Variants in CACNA1E observed in about 807,000 individuals in gnomAD.
CACNA1E encodes the protein calcium voltage-gated channel subunit alpha1 E.
Under a neutral mutation model 259.2 loss-of-function variants are expected in CACNA1E, and 40 were observed. The observed-to-expected ratio is 0.15, with a 90% CI of 0.12 to 0.20. The LOEUF is 0.20. Among genes scored for constraint, CACNA1E ranks in the 10% least tolerant of loss-of-function variants. CACNA1E has a pLI of 1.00. For missense variants in CACNA1E, 1,874 were observed against 3,040.1 expected, an observed-to-expected ratio of 0.62 and a Z score of 9.02; for synonymous variants, 1,104 against 1,138.5, an observed-to-expected ratio of 0.97 and a Z score of 0.61.
intron 10 of CACNA1E, among the ~76,000 whole-genome samples, 167 bp downstream of exon 10, chr1:181,716,296 TAAA>T (rs35884110): frequency 7.1e-6 from 1 of 141,012 alleles, no homozygotes; most frequent in Non-Finnish European, 1.5e-5. Flanking sequence ...ATGATTTATT[TAAA>T]AAAAAAAAAA....
chr1:181,710,927 AG>A, intron 7 of CACNA1E, 26 bp from the exon 8 acceptor site: 2 of 1,509,764 alleles, frequency 1.3e-6, no homozygotes, highest in Non-Finnish European at 1.8e-6. Flanking sequence ...GTCCAAACCC[AG>A]TGAATCTTAT....
chr1:181,494,938 T>G (rs1272682263), intron 1 of CACNA1E, among the ~76,000 whole-genome samples: 1 of 152,260 alleles, frequency 6.6e-6, no homozygotes, highest in East Asian at 1.9e-4. Flanking sequence ...TTCTGAACTG[T>G]GCTTTAGCCT....
chr1:181,609,043 T>G (rs1257176702), intron 6 of CACNA1E, among the ~76,000 whole-genome samples: 2 of 152,134 alleles, frequency 1.3e-5, no homozygotes, highest in Non-Finnish European at 2.9e-5. Flanking sequence ...CAAAGGAAAG[T>G]TCAGCTTAGG....
At chr1:181,362,069 T>C (rs1201093111) in intron 1 of CACNA1E, among the ~76,000 whole-genome samples, 1 of 152,210 alleles carries the variant, frequency 6.6e-6, no homozygotes, top group African/African-American at 2.4e-5. Context: ...TATTACCTCC[T>C]TCATAGGACT....
chr1:181,408,439 G>T (rs1249179125), intron 1 of CACNA1E, among the ~76,000 whole-genome samples: 2 of 152,152 alleles, frequency 1.3e-5, no homozygotes, highest in Non-Finnish European at 2.9e-5. Flanking sequence ...GGGTATAAAG[G>T]GAAAGATGGT....
At chr1:181,382,434 G>A (rs2804689) in intron 1 of CACNA1E, among the ~76,000 whole-genome samples, 83,263 of 152,062 alleles carry the variant, frequency 0.55, 24,471 homozygotes, top group African/African-American at 0.77. Flanking sequence ...GTGGAAGCCA[G>A]AATCAGCTAA....
chr1:181,596,706 A>G (rs1050102341), intron 6 of CACNA1E, among the ~76,000 whole-genome samples: 1 of 152,168 alleles, frequency 6.6e-6, no homozygotes, highest in East Asian at 1.9e-4. Flanking sequence ...CAGACTTGAT[A>G]AAGGGTGTTT....
At position 181,801,759 on chromosome 1, in the gene CACNA1E, C is replaced by A. The variant is rs1460372935; in HGVS notation, c.*2925C>A. 6.6e-6 allele frequency: 1 copy of A among 152,140 alleles called. No homozygotes were observed. The highest frequency in any genetic ancestry group is 1.5e-5 in the Non-Finnish European group (1 of 68,030). The allele number at this position is 152,140 out of a possible 1,614,324, so 9.4% of individuals were successfully genotyped here. A position where few individuals can be genotyped will look rare whatever the true frequency, so the allele number is the denominator to read the frequency against. Reference sequence around the variant, plus strand: ...ATTCCATGCAAAAGAAGACTACAACCAGTGTTTCAGATATACCACAAGATC... The same window carrying A: ...ATTCCATGCAAAAGAAGACTACAACAAGTGTTTCAGATATACCACAAGATC... On this transcript the variant is annotated 3_prime_UTR_variant, in exon 48 of 48. Transcript: ENST00000367573.
intron 2 of CACNA1E, among the ~76,000 whole-genome samples, chr1:181,435,158 G>T (rs899752021): frequency 1.3e-5 from 2 of 152,182 alleles, no homozygotes; most frequent in African/African-American, 4.8e-5. Flanking sequence ...GTTTATAGCA[G>T]ATGCTACTCT....
At chr1:181,541,698 A>C (rs978665323) in intron 3 of CACNA1E, among the ~76,000 whole-genome samples, 2 of 152,208 alleles carry the variant, frequency 1.3e-5, no homozygotes, top group African/African-American at 4.8e-5. Flanking sequence ...TGACCTGCAA[A>C]GACTCGTCTT....
intron 6 of CACNA1E, among the ~76,000 whole-genome samples, chr1:181,628,751 A>T (rs538294914): frequency 2.6e-5 from 4 of 152,296 alleles, no homozygotes; most frequent in African/African-American, 7.2e-5. Flanking sequence ...CTTGTGTGTC[A>T]ATCAGCTTTT....
At chr1:181,679,998 A>G (rs935420781) in intron 7 of CACNA1E, among the ~76,000 whole-genome samples, 2 of 150,430 alleles carry the variant, frequency 1.3e-5, no homozygotes, top group African/African-American at 4.9e-5. Context: ...CTATAGTCCT[A>G]GCTACTCGGG....
intron 7 of CACNA1E, among the ~76,000 whole-genome samples, chr1:181,696,613 A>T (rs1208708080): frequency 6.6e-6 from 1 of 152,210 alleles, no homozygotes; most frequent in Non-Finnish European, 1.5e-5. Context: ...CTTTTTAGGC[A>T]TCAGCCTTCC....
chr1:181,368,285 TAAA>T (rs772565091), intron 1 of CACNA1E, among the ~76,000 whole-genome samples: 2 of 133,158 alleles, frequency 1.5e-5, no homozygotes, highest in Non-Finnish European at 1.6e-5. Flanking sequence ...AGACTCTGTC[TAAA>T]AAAAAAAAAA....
chr1:181,514,791 A>T (rs182648979), intron 3 of CACNA1E, among the ~76,000 whole-genome samples: 17 of 152,130 alleles, frequency 1.1e-4, no homozygotes, highest in Admixed American at 1.1e-3. Context: ...CTGAGAGATG[A>T]CTAGTTGAGG....
Position 181,804,298 on chromosome 1 carries a change from T to C in CACNA1E, c.*5464T>C, listed in dbSNP as rs1452383938. On this transcript the variant is annotated 3_prime_UTR_variant, in exon 48 of 48. Coordinates refer to ENST00000367573, the MANE Select transcript of CACNA1E (RefSeq NM_001205293.3). ...GTGATTGCCATCAAATTTAGTGATATGATATTTGAGTCAAAAATCTGAGGT... is the reference window on the plus strand; with the variant it reads ...GTGATTGCCATCAAATTTAGTGATACGATATTTGAGTCAAAAATCTGAGGT... 1 of 152,206 alleles carries C rather than the reference T, an allele frequency of 6.6e-6. No homozygotes were observed. The highest frequency in any genetic ancestry group is 1.5e-5 in the Non-Finnish European group (1 of 68,040). The allele number at this position is 152,206 out of a possible 1,614,324, so 9.4% of individuals were successfully genotyped here. A position where few individuals can be genotyped will look rare whatever the true frequency, so the allele number is the denominator to read the frequency against.
At chr1:181,399,872 T>G (rs1656966262) in intron 1 of CACNA1E, among the ~76,000 whole-genome samples, 1 of 152,248 alleles carries the variant, frequency 6.6e-6, no homozygotes, top group Non-Finnish European at 1.5e-5. Flanking sequence ...AAATCACAAT[T>G]TCATGGATAT....
At chr1:181,789,838 A>C (rs147497250) in intron 43 of CACNA1E, among the ~76,000 whole-genome samples, 1 of 152,288 alleles carries the variant, frequency 6.6e-6, no homozygotes, top group African/African-American at 2.4e-5. Flanking sequence ...TCTCACCACC[A>C]TTTAAACCTC....
intron 1 of CACNA1E, among the ~76,000 whole-genome samples, chr1:181,484,321 C>A (rs1663582997): frequency 6.6e-6 from 1 of 152,130 alleles, no homozygotes; most frequent in African/African-American, 2.4e-5. Context: ...CTACTCCCTT[C>A]ACATGCCGCC....
Sources: gnomAD v4.1 joint callset for allele counts (sites outside exome capture counted in the v4.1 genomes callset) on GRCh38, gnomAD v4.1.1 for gene constraint, MANE v1.5 for transcripts, NCBI Gene and HGNC (gene_info 2026-07-23, HGNC 2026-07-21) for gene names.